NLGN1: variants seen among roughly 807,000 people sequenced by gnomAD.
The protein encoded by NLGN1 is neuroligin 1.
NLGN1 carries 12 observed loss-of-function variants against 65.5 expected under a neutral mutation model. That is an observed-to-expected ratio of 0.18 (90% CI 0.12 to 0.30). NLGN1 has a LOEUF of 0.30. Among genes scored for constraint, NLGN1 ranks in the 10% least tolerant of loss-of-function variants. NLGN1 has a pLI of 1.00. For synonymous variants in NLGN1, 350 were observed against 359.5 expected (o/e 0.97, Z 0.30); for missense variants, 750 against 1,007.1 (o/e 0.74, Z 3.46).
intron 4 of NLGN1, among the ~76,000 whole-genome samples, chr3:173,880,460 C>G (rs1732994558): frequency 2.0e-5 from 3 of 151,428 alleles, no homozygotes; most frequent in South Asian, 4.1e-4. Context: ...TGCAATAAAG[C>G]AAGTATTGCA....
chr3:173,568,681 TG>T (rs1400657961), intron 2 of NLGN1, among the ~76,000 whole-genome samples: 3 of 152,102 alleles, frequency 2.0e-5, no homozygotes, highest in Non-Finnish European at 2.9e-5. Context: ...AGGACTTTTT[TG>T]TTTGTTTGTT....
intron 2 of NLGN1, among the ~76,000 whole-genome samples, chr3:173,500,007 T>A (rs950023079): frequency 3.3e-5 from 5 of 152,050 alleles, no homozygotes; most frequent in African/African-American, 1.2e-4. Flanking sequence ...ACAGGGACAA[T>A]TTGACTTCCT....
At chr3:174,240,567 A>G (rs1224473186) in intron 4 of NLGN1, among the ~76,000 whole-genome samples, 1 of 152,210 alleles carries the variant, frequency 6.6e-6, no homozygotes, top group African/African-American at 2.4e-5. Flanking sequence ...CAAAACCAAC[A>G]ATAGGATATC....
chr3:173,823,265 C>G (rs1720677030), intron 4 of NLGN1, among the ~76,000 whole-genome samples: 1 of 151,738 alleles, frequency 6.6e-6, no homozygotes, highest in African/African-American at 2.4e-5. Flanking sequence ...TCGGTGCTGT[C>G]TAACAGAAAT....
chr3:174,274,821 C>A (rs936493592), intron 4 of NLGN1, among the ~76,000 whole-genome samples: 1 of 151,730 alleles, frequency 6.6e-6, no homozygotes, highest in Non-Finnish European at 1.5e-5. Context: ...TTTACAAAAT[C>A]TTTCTCTACA....
At chr3:173,717,505 T>C (rs1013450554) in intron 3 of NLGN1, among the ~76,000 whole-genome samples, 2 of 152,172 alleles carry the variant, frequency 1.3e-5, no homozygotes, top group African/African-American at 4.8e-5. Flanking sequence ...GATCCATGGC[T>C]AATAACCTAT....
Position 173,450,175 on chromosome 3 carries a change from T to C in NLGN1, c.-321+15097T>C, listed in dbSNP as rs1721212967. Reference sequence around the variant, plus strand: ...TCTAGTCCTGATGGTCTTTACAATTTGGCATGTTTTTGCAGTGGCTGGTAC... The same window carrying C: ...TCTAGTCCTGATGGTCTTTACAATTCGGCATGTTTTTGCAGTGGCTGGTAC... On this transcript the variant is annotated intron_variant, in intron 2 of 6. Coordinates refer to ENST00000457714, the Ensembl canonical transcript of NLGN1. Among the ~76,000 whole-genome samples, 3 of 152,234 alleles carry C rather than the reference T, an allele frequency of 2.0e-5. No individual in the cohort carries two copies. In the South Asian group the frequency reaches 6.2e-4, roughly 32 times the overall value.
intron 4 of NLGN1, among the ~76,000 whole-genome samples, chr3:174,031,875 A>G (rs138680795): frequency 6.6e-6 from 1 of 152,056 alleles, no homozygotes; most frequent in Non-Finnish European, 1.5e-5. Context: ...CAAGGCCTAC[A>G]TTGTGTAATT....
intron 1 of NLGN1, among the ~76,000 whole-genome samples, chr3:173,399,080 A>C (rs1717167851): frequency 1.3e-5 from 2 of 152,224 alleles, no homozygotes; most frequent in South Asian, 4.1e-4. Flanking sequence ...TAAAATATTA[A>C]ATGTTAAATG....
chr3:173,978,172 A>T (rs1247265778), intron 4 of NLGN1, among the ~76,000 whole-genome samples: 1 of 152,300 alleles, frequency 6.6e-6, no homozygotes, highest in Middle Eastern at 3.4e-3. Flanking sequence ...GTCTAGCATC[A>T]GTCTGACTTC....
At chr3:173,871,187 C>A (rs1002417200) in intron 4 of NLGN1, among the ~76,000 whole-genome samples, 1 of 152,164 alleles carries the variant, frequency 6.6e-6, no homozygotes, top group Admixed American at 6.5e-5. Flanking sequence ...CCCGAAGAGG[C>A]TAGAAGCACC....
At chr3:173,921,449 C>T (rs989718646) in intron 4 of NLGN1, among the ~76,000 whole-genome samples, 2 of 151,488 alleles carry the variant, frequency 1.3e-5, no homozygotes, top group African/African-American at 4.8e-5. Flanking sequence ...TCTTTCCTTT[C>T]TCTAAAGGCT....
chr3:173,518,261 A>G (rs1056274723), intron 2 of NLGN1, among the ~76,000 whole-genome samples: 5 of 151,990 alleles, frequency 3.3e-5, no homozygotes, highest in African/African-American at 1.2e-4. Context: ...TTTTTTTCCT[A>G]AGATTAAAAG....
At chr3:173,774,097 G>A (rs1779962180) in intron 3 of NLGN1, among the ~76,000 whole-genome samples, 1 of 152,174 alleles carries the variant, frequency 6.6e-6, no homozygotes, top group Non-Finnish European at 1.5e-5. Context: ...AGTGGAGTCT[G>A]TTTTTTTATT....
At chr3:174,013,457 A>G (rs921665591) in intron 4 of NLGN1, among the ~76,000 whole-genome samples, 2 of 152,242 alleles carry the variant, frequency 1.3e-5, no homozygotes, top group Admixed American at 6.5e-5. Context: ...ATATTTTAAT[A>G]ACTCAAAAGC....
At chr3:173,949,887 T>G (rs1747875304) in intron 4 of NLGN1, among the ~76,000 whole-genome samples, 1 of 152,162 alleles carries the variant, frequency 6.6e-6, no homozygotes, top group South Asian at 2.1e-4. Context: ...TTGATGGATA[T>G]TTAATCATCT....
intron 2 of NLGN1, among the ~76,000 whole-genome samples, chr3:173,534,791 T>TA (rs1387465218): frequency 2.0e-5 from 3 of 152,196 alleles, no homozygotes; most frequent in African/African-American, 7.2e-5. Flanking sequence ...ACCTAAAACT[T>TA]AACTTTTAAA....
chr3:174,265,650 C>T (rs1390774039), intron 4 of NLGN1, among the ~76,000 whole-genome samples: 1 of 151,902 alleles, frequency 6.6e-6, no homozygotes, highest in Non-Finnish European at 1.5e-5. Context: ...CTGCATCACT[C>T]ATGCTGGGAG....
intron 2 of NLGN1, among the ~76,000 whole-genome samples, chr3:173,470,477 G>T (rs1043562266): frequency 2.0e-5 from 3 of 151,876 alleles, no homozygotes; most frequent in African/African-American, 7.3e-5. Flanking sequence ...CCAAACACAC[G>T]TAGCGCTTGT....
Sources: gnomAD v4.1 joint callset for allele counts (sites outside exome capture counted in the v4.1 genomes callset) on GRCh38, gnomAD v4.1.1 for gene constraint, MANE v1.5 for transcripts, NCBI Gene and HGNC (gene_info 2026-07-23, HGNC 2026-07-21) for gene names.